The following KIF16B variants were observed in gnomAD, a reference collection of about 807,000 sequenced individuals.
KIF16B encodes the protein kinesin family member 16B.
In KIF16B, 98 loss-of-function variants were observed where a neutral mutation model predicts 156.3. The ratio of observed to expected loss-of-function variants is 0.63; its 90% CI spans 0.53 to 0.74. KIF16B has a LOEUF of 0.74. Among genes scored for constraint, KIF16B ranks in the 30% least tolerant of loss-of-function variants. The probability of loss-of-function intolerance (pLI) is 0.00; values close to 1 mark genes in which losing one functional copy is unlikely to be tolerated. For missense variants in KIF16B, 1,421 were observed against 1,606.5 expected, an observed-to-expected ratio of 0.88 and a Z score of 1.97; for synonymous variants, 564 against 583.7, an observed-to-expected ratio of 0.97 and a Z score of 0.49.
intron 24 of KIF16B, among the ~76,000 whole-genome samples, chr20:16,330,381 T>C (rs767038247): frequency 2.0e-5 from 3 of 152,244 alleles, no homozygotes; most frequent in Non-Finnish European, 4.4e-5. Context: ...AAGGAATTCT[T>C]AAACTTTCTC....
intron 12 of KIF16B, among the ~76,000 whole-genome samples, chr20:16,487,073 G>A (rs1420778418): frequency 6.6e-6 from 1 of 152,022 alleles, no homozygotes; most frequent in African/African-American, 2.4e-5. Context: ...CTAACACGGT[G>A]AAACCCCATC....
intron 5 of KIF16B, among the ~76,000 whole-genome samples, 177 bp downstream of exon 5, chr20:16,512,649 C>G (rs894126396): frequency 6.6e-6 from 1 of 152,198 alleles, no homozygotes; most frequent in African/African-American, 2.4e-5. Flanking sequence ...CCAAGAAAAT[C>G]ACTAAAAACT....
At chr20:16,326,987 GTGTGTA>G (rs757807331) in intron 24 of KIF16B, among the ~76,000 whole-genome samples, 36 of 149,866 alleles carry the variant, frequency 2.4e-4, no homozygotes, top group East Asian at 7.9e-4. Flanking sequence ...ACATATATAT[GTGTGTA>G]TGTGTATGTG....
At chr20:16,522,377 C>G (rs1171390099) in intron 3 of KIF16B, among the ~76,000 whole-genome samples, 1 of 152,142 alleles carries the variant, frequency 6.6e-6, no homozygotes, top group Non-Finnish European at 1.5e-5. Context: ...ATCCTAGTCT[C>G]TGATAAAACA....
intron 1 of KIF16B, among the ~76,000 whole-genome samples, chr20:16,529,816 T>G (rs895093188): frequency 2.0e-5 from 3 of 152,118 alleles, no homozygotes; most frequent in Non-Finnish European, 4.4e-5. Flanking sequence ...CCGGCCATGG[T>G]GGCGCATGCC....
At chr20:16,380,602 A>G (rs970687497) in intron 18 of KIF16B, among the ~76,000 whole-genome samples, 3 of 152,260 alleles carry the variant, frequency 2.0e-5, no homozygotes, top group African/African-American at 7.2e-5. Flanking sequence ...GGGGTCAAAT[A>G]TCAAAGTCAT....
intron 25 of KIF16B, among the ~76,000 whole-genome samples, chr20:16,303,263 A>G (rs1431045871): frequency 6.6e-6 from 1 of 152,238 alleles, no homozygotes; most frequent in Non-Finnish European, 1.5e-5. Flanking sequence ...CTCAGTCATT[A>G]CGTAGCAGAG....
chr20:16,369,024 A>C, intron 22 of KIF16B: 1 of 985,806 alleles, frequency 1.0e-6, no homozygotes, highest in Non-Finnish European at 1.2e-6. Flanking sequence ...GCTCAGGATG[A>C]CCATATTTGT....
intron 15 of KIF16B, among the ~76,000 whole-genome samples, chr20:16,422,882 C>T (rs2066260288): frequency 6.6e-6 from 1 of 152,112 alleles, no homozygotes; most frequent in African/African-American, 2.4e-5. Context: ...ACAAAACTAT[C>T]CTAATATTTA....
At position 16,379,671 on chromosome 20, in the gene KIF16B, C is replaced by A; in HGVS notation, c.2331G>T (p.Gln777His). 1 of 1,614,170 alleles carries A rather than the reference C, an allele frequency of 6.2e-7. No individual in the cohort carries two copies. The highest frequency in any genetic ancestry group is 8.5e-7 in the Non-Finnish European group (1 of 1,180,032). The change falls in exon 19 of 26, where the codon CAG (glutamine) becomes CAT (histidine). Residue 777 changes from glutamine (Q) to histidine (H), a missense_variant. Gln to His is a conservative substitution (Grantham distance 24). Transcript: ENST00000354981. ...EQLREKQEMI[Q>H]LLRRGEVQWV... ...ACTGTACCTCCCCACGCCGCAGGAGCTGGATCATCTCCTGCTTCTCTCGGA... is the reference window on the plus strand; with the variant it reads ...ACTGTACCTCCCCACGCCGCAGGAGATGGATCATCTCCTGCTTCTCTCGGA...
At chr20:16,475,717 T>C (rs529519010) in intron 12 of KIF16B, among the ~76,000 whole-genome samples, 1 of 152,154 alleles carries the variant, frequency 6.6e-6, no homozygotes, top group Non-Finnish European at 1.5e-5. Context: ...GAAGAAATGA[T>C]ATTACAAGAA....
At chr20:16,531,348 T>G (rs983162495) in intron 1 of KIF16B, among the ~76,000 whole-genome samples, 6 of 152,172 alleles carry the variant, frequency 3.9e-5, no homozygotes, top group African/African-American at 1.4e-4. Context: ...TGAAAGAAAG[T>G]TTCTCCTTTA....
chr20:16,408,580 A>C (rs1036515584), intron 15 of KIF16B, among the ~76,000 whole-genome samples: 4 of 152,172 alleles, frequency 2.6e-5, no homozygotes, highest in African/African-American at 7.2e-5. Flanking sequence ...TCAAATGCCC[A>C]GTCATGCAAG....
chr20:16,554,003 G>A (rs1313079814), intron 1 of KIF16B, among the ~76,000 whole-genome samples: 11 of 152,322 alleles, frequency 7.2e-5, no homozygotes, highest in African/African-American at 2.2e-4. Context: ...GGCTGAGGTG[G>A]GGCTGAGGGC....
At chr20:16,555,905 T>A (rs2070830970) in intron 1 of KIF16B, among the ~76,000 whole-genome samples, 1 of 152,252 alleles carries the variant, frequency 6.6e-6, no homozygotes, top group South Asian at 2.1e-4. Flanking sequence ...TACTGACTCA[T>A]TAATTCATTT....
rs527291063 is a variant in KIF16B, at chr20:16,381,884, G to A, written c.1785-137C>T. 8.9e-5 allele frequency: 71 copies of A among 795,910 alleles called. No individual in the cohort carries two copies. In the East Asian group the frequency reaches 1.9e-3, roughly 21 times the overall value. The allele number at this position is 795,910 out of a possible 1,614,324, so 49.3% of individuals were successfully genotyped here. A position where few individuals can be genotyped will look rare whatever the true frequency, so the allele number is the denominator to read the frequency against. ...ACTTTTAATTACCACGGGTTAGCAA[G>A]TTTAAAATGCATTCTTTGCTTTAGG... On this transcript the variant is annotated intron_variant, in intron 17 of 25. Coordinates refer to ENST00000354981, the MANE Select transcript of KIF16B (RefSeq NM_024704.5).
intron 25 of KIF16B, among the ~76,000 whole-genome samples, chr20:16,291,398 C>T (rs1313842266): frequency 2.0e-5 from 3 of 152,178 alleles, no homozygotes; most frequent in African/African-American, 7.2e-5. Flanking sequence ...ATTAAACATG[C>T]GCTTCCTTGG....
chr20:16,453,501 C>T (rs1284153518), intron 12 of KIF16B, among the ~76,000 whole-genome samples: 1 of 151,524 alleles, frequency 6.6e-6, no homozygotes, highest in Non-Finnish European at 1.5e-5. Flanking sequence ...CATACAAACA[C>T]CAAAGAAGAT....
intron 15 of KIF16B, among the ~76,000 whole-genome samples, chr20:16,416,939 G>A (rs2066104751): frequency 6.6e-6 from 1 of 152,100 alleles, no homozygotes; most frequent in Non-Finnish European, 1.5e-5. Context: ...AGCAGCAACA[G>A]TGGGCCCATG....
Sources: allele counts gnomAD v4.1 joint callset (sites outside exome capture counted in the v4.1 genomes callset), GRCh38; gene constraint gnomAD v4.1.1; transcripts MANE v1.5; gene names NCBI Gene and HGNC (gene_info 2026-07-23, HGNC 2026-07-21).